The following ANKRD30B variants were observed in gnomAD, a reference collection of about 807,000 sequenced individuals.
The protein encoded by ANKRD30B is ankyrin repeat domain 30B, also known as ankyrin repeat domain-containing protein 30B.
Under a neutral mutation model 202.2 loss-of-function variants are expected in ANKRD30B, and 144 were observed. The ratio of observed to expected loss-of-function variants is 0.71; its 90% CI spans 0.62 to 0.82. The LOEUF is 0.82. ANKRD30B is among the 40% of genes least tolerant of loss of function. The pLI, the probability that ANKRD30B is intolerant of heterozygous loss-of-function variation, is 0.00. For missense variants in ANKRD30B, 1,487 were observed against 1,669.1 expected (o/e 0.89, Z 1.90); for synonymous variants, 508 against 561.3 (o/e 0.91, Z 1.34).
At position 14,796,479 on chromosome 18, in the gene ANKRD30B, A is replaced by T. The variant is rs900828927; in HGVS notation, c.1927+64A>T. On this transcript the variant is annotated intron_variant, in intron 18 of 43. Transcript: ENST00000690538. ...ATATTAAACTATTTGAAATGCCGAG[A>T]GGCTTTTATTCCCAATGTTGTTTTC... 3 of 1,471,556 alleles carry T rather than the reference A, an allele frequency of 2.0e-6. No individual in the cohort carries two copies. In the Admixed American group the frequency reaches 7.3e-5, roughly 36 times the overall value. 91.2% of individuals were successfully genotyped at this position (1,471,556 alleles called of 1,614,324 possible).
the ANKRD30B span, among the ~76,000 whole-genome samples, chr18:14,913,452 T>C: frequency 3.3e-5 from 5 of 152,202 alleles, no homozygotes; most frequent in African/African-American, 1.2e-4. Flanking sequence ...GGAATTATTT[T>C]TCTGGGTATT....
chr18:14,863,105 G>T, the ANKRD30B span, among the ~76,000 whole-genome samples: 1 of 152,174 alleles, frequency 6.6e-6, no homozygotes, highest in Non-Finnish European at 1.5e-5. Flanking sequence ...TGCTGAAACA[G>T]CTTGAGATTT....
intron 3 of ANKRD30B, among the ~76,000 whole-genome samples, chr18:14,753,354 A>G (rs368888559): frequency 1.9e-4 from 29 of 152,262 alleles, no homozygotes; most frequent in Admixed American, 1.3e-3. Flanking sequence ...AAAATTTAGG[A>G]TACGTGCAGA....
At chr18:14,924,623 G>A in the ANKRD30B span, among the ~76,000 whole-genome samples, 2 of 152,220 alleles carry the variant, frequency 1.3e-5, no homozygotes, top group East Asian at 3.9e-4. Flanking sequence ...GGCCAGGGAA[G>A]CCTCAGACAG....
chr18:14,854,727 G>C (rs996942029), downstream of ANKRD30B, among the ~76,000 whole-genome samples: 10 of 151,944 alleles, frequency 6.6e-5, no homozygotes, highest in Non-Finnish European at 1.0e-4. Flanking sequence ...TTAAGAGATT[G>C]ACAACTCTAT....
intron 16 of ANKRD30B, among the ~76,000 whole-genome samples, chr18:14,795,922 G>A (rs1294933344): frequency 1.3e-5 from 2 of 151,628 alleles, no homozygotes; most frequent in Non-Finnish European, 2.9e-5. Context: ...TCCCTATACG[G>A]CAGATTAATC....
the ANKRD30B span, among the ~76,000 whole-genome samples, chr18:14,935,991 A>G: frequency 1.3e-5 from 2 of 152,240 alleles, no homozygotes; most frequent in South Asian, 4.1e-4. Context: ...GAAAGGTGAA[A>G]CCAGAAAGAA....
the ANKRD30B span, among the ~76,000 whole-genome samples, chr18:14,933,237 A>T: frequency 6.6e-6 from 1 of 152,138 alleles, no homozygotes; most frequent in African/African-American, 2.4e-5. Flanking sequence ...CTCTGCATGC[A>T]GGGTCCAGCC....
intron 7 of ANKRD30B, among the ~76,000 whole-genome samples, chr18:14,767,508 T>G (rs1474196071): frequency 4.6e-5 from 7 of 152,286 alleles, no homozygotes; most frequent in Non-Finnish European, 8.8e-5. Context: ...TTCTTTTTCT[T>G]GTGATGACTG....
chr18:14,924,664 C>G, the ANKRD30B span, among the ~76,000 whole-genome samples: 1 of 152,242 alleles, frequency 6.6e-6, no homozygotes, highest in Admixed American at 6.5e-5. Flanking sequence ...GGGCTACAGA[C>G]AGGAGACTTT....
Position 14,748,314 on chromosome 18 carries a change from C to T in ANKRD30B, c.-106C>T. On this transcript the variant is annotated 5_prime_UTR_variant, in exon 1 of 44. Transcript: ENST00000690538. ...GAACTGAAGACGGGCGAGTGCGAGC[C>T]GGGGGCGGGTGCTGGGGAAGGGTAA... The T allele has an allele frequency of 1.1e-6, 1 of 917,300 alleles. No homozygotes were observed. Among genetic ancestry groups the T allele is most frequent in the South Asian group, 2.0e-5 (1 of 48,954 alleles). The allele number at this position is 917,300 out of a possible 1,614,324, so 56.8% of individuals were successfully genotyped here. A position where few individuals can be genotyped will look rare whatever the true frequency, so the allele number is the denominator to read the frequency against.
the ANKRD30B span, among the ~76,000 whole-genome samples, chr18:14,881,465 GT>G: frequency 6.6e-6 from 1 of 152,164 alleles, no homozygotes; most frequent in African/African-American, 2.4e-5. Flanking sequence ...TTTTTGATAT[GT>G]TGTTGGATTC....
the ANKRD30B span, among the ~76,000 whole-genome samples, chr18:14,922,647 T>C: frequency 4.1e-4 from 46 of 113,458 alleles, no homozygotes; most frequent in South Asian, 2.9e-3. Context: ...AGAGTGAGAC[T>C]CCGTCTCAAA....
intron 41 of ANKRD30B, among the ~76,000 whole-genome samples, chr18:14,851,097 T>C (rs1971864383): frequency 6.6e-6 from 1 of 151,936 alleles, no homozygotes; most frequent in African/African-American, 2.4e-5. Context: ...ATTTTATCTG[T>C]CTAAATATAT....
the ANKRD30B span, chr18:14,905,810 G>C: frequency 6.6e-6 from 1 of 152,162 alleles, no homozygotes; most frequent in Non-Finnish European, 1.5e-5. Context: ...CCAGAGTCAA[G>C]CTGGAATTTG....
chr18:14,757,069 T>G (rs548119868), intron 4 of ANKRD30B, among the ~76,000 whole-genome samples: 1 of 152,204 alleles, frequency 6.6e-6, no homozygotes, highest in Non-Finnish European at 1.5e-5. Context: ...TTTTTTTCAT[T>G]TTTTTCATAG....
intron 28 of ANKRD30B, among the ~76,000 whole-genome samples, chr18:14,811,248 C>G (rs1053843213): frequency 6.6e-6 from 1 of 151,512 alleles, no homozygotes; most frequent in Non-Finnish European, 1.5e-5. Context: ...ATCTCGTTGT[C>G]TCGCCCAGGC....
At chr18:14,864,172 C>T in the ANKRD30B span, among the ~76,000 whole-genome samples, 1 of 152,006 alleles carries the variant, frequency 6.6e-6, no homozygotes, top group Non-Finnish European at 1.5e-5. Flanking sequence ...CCATTTAGAA[C>T]TAAAAATGCA....
At chr18:14,862,580 A>G in the ANKRD30B span, among the ~76,000 whole-genome samples, 1,756 of 152,344 alleles carry the variant, frequency 0.012, 41 homozygotes, top group African/African-American at 0.04. Context: ...AAAGTCCACT[A>G]GGGCAGTGCC....
Sources: gnomAD v4.1 joint callset for allele counts (sites outside exome capture counted in the v4.1 genomes callset) on GRCh38, gnomAD v4.1.1 for gene constraint, MANE v1.5 for transcripts, NCBI Gene and HGNC (gene_info 2026-07-23, HGNC 2026-07-21) for gene names.